PPP1R1C: variants seen among roughly 807,000 people sequenced by gnomAD.
The protein encoded by PPP1R1C is protein phosphatase 1 regulatory inhibitor subunit 1C, also known as protein phosphatase 1 regulatory subunit 1C.
A neutral mutation model predicts 17.4 loss-of-function variants in PPP1R1C; 15 were observed. The observed-to-expected ratio is 0.86, with a 90% CI of 0.58 to 1.33. The LOEUF is 1.33. Among genes scored for constraint, PPP1R1C ranks in the 40% most tolerant of loss-of-function variants. PPP1R1C has a pLI of 0.00. For synonymous variants in PPP1R1C, 35 were observed against 43.1 expected (o/e 0.81, Z 0.73); for missense variants, 143 against 130.0 (o/e 1.10, Z -0.48).
intron 2 of PPP1R1C, among the ~76,000 whole-genome samples, chr2:182,028,577 T>C (rs1212899965): frequency 4.6e-5 from 7 of 152,140 alleles, no homozygotes; most frequent in African/African-American, 1.4e-4. Flanking sequence ...GTCTGAGAGA[T>C]AGTTTGTTAT....
chr2:181,982,098 A>G (rs1451187264), upstream of PPP1R1C, among the ~76,000 whole-genome samples: 1 of 152,218 alleles, frequency 6.6e-6, no homozygotes, highest in Admixed American at 6.5e-5. Context: ...AATACATTAA[A>G]AAGTTTAAAA....
At chr2:182,111,291 T>C (rs1352931443) in intron 4 of PPP1R1C, among the ~76,000 whole-genome samples, 1 of 152,112 alleles carries the variant, frequency 6.6e-6, no homozygotes, top group Non-Finnish European at 1.5e-5. Flanking sequence ...CCATGGATGA[T>C]GAAGAGAAAA....
chr2:182,030,838 C>G (rs12617397), intron 2 of PPP1R1C: 9,453 of 158,312 alleles, frequency 0.06, 376 homozygotes, highest in Non-Finnish European at 0.077. Flanking sequence ...AGTTTGATCT[C>G]AGACTGCTGT....
At chr2:182,098,795 A>G (rs1000448903) in intron 4 of PPP1R1C, among the ~76,000 whole-genome samples, 2 of 152,174 alleles carry the variant, frequency 1.3e-5, no homozygotes, top group East Asian at 1.9e-4. Context: ...CCTTATTCCA[A>G]AGTAAGCCCT....
In PPP1R1C at chr2:182,026,693, G is replaced by A. The variant is rs910877141; in HGVS notation, c.143-34749G>A. On this transcript the variant is annotated intron_variant, in intron 2 of 4. Transcript: ENST00000682840. The stretch of plus-strand genomic sequence containing the variant: ...GCTTAGGATTGACTTGGCAATGCGG[G>A]CTCTTTTTTGGCTCCATATGAACTT... 1.9e-4 allele frequency among the ~76,000 whole-genome samples: 29 copies of A among 152,116 alleles called. 1 individual carries two copies. The highest frequency in any genetic ancestry group is 1.6e-3 in the Admixed American group (25 of 15,266).
At chr2:182,072,583 C>CT (rs1232396441) in intron 4 of PPP1R1C, among the ~76,000 whole-genome samples, 1 of 152,012 alleles carries the variant, frequency 6.6e-6, no homozygotes, top group African/African-American at 2.4e-5. Flanking sequence ...TGACCTGAGC[C>CT]TTTTTTTAGG....
chr2:182,036,602 A>G (rs1222349449), intron 2 of PPP1R1C, among the ~76,000 whole-genome samples: 1 of 152,180 alleles, frequency 6.6e-6, no homozygotes, highest in East Asian at 1.9e-4. Flanking sequence ...TCTGCATTCT[A>G]CTATCAACAT....
chr2:181,958,173 G>A (rs919700066), intron 1 of PPP1R1C, among the ~76,000 whole-genome samples: 6 of 152,180 alleles, frequency 3.9e-5, no homozygotes, highest in Non-Finnish European at 7.3e-5. Flanking sequence ...AGCAGAACAG[G>A]GAAGTGGAAG....
rs569087069 is a variant in PPP1R1C, at chr2:181,990,983, T to G, written c.142+3084T>G. ...TAAAATTCAAAACCCTGCAAATCTT[T>G]CTTTATTGTCAATTAATAAAGCAAA... On this transcript the variant is annotated intron_variant, in intron 2 of 4. Transcript: ENST00000682840. 1.9e-3 allele frequency among the ~76,000 whole-genome samples: 289 copies of G among 152,342 alleles called. 2 individuals are homozygous for G. The highest frequency in any genetic ancestry group is 6.6e-3 in the African/African-American group (275 of 41,574).
chr2:182,008,184 A>T (rs1009149702), intron 2 of PPP1R1C, among the ~76,000 whole-genome samples: 10 of 152,298 alleles, frequency 6.6e-5, no homozygotes, highest in African/African-American at 2.4e-4. Flanking sequence ...ATTATGCTTG[A>T]TGTAATATGG....
chr2:182,102,333 C>T (rs1484853841), intron 4 of PPP1R1C, among the ~76,000 whole-genome samples: 6 of 152,106 alleles, frequency 3.9e-5, no homozygotes, highest in African/African-American at 1.2e-4. Context: ...GTGAGATGCC[C>T]TGTTCCCTCA....
intron 2 of PPP1R1C, among the ~76,000 whole-genome samples, chr2:182,015,945 C>T (rs2125159266): frequency 6.6e-6 from 1 of 152,242 alleles, no homozygotes; most frequent in African/African-American, 2.4e-5. Context: ...CATTTGCACC[C>T]CATGTGTGCG....
intron 4 of PPP1R1C, among the ~76,000 whole-genome samples, chr2:182,113,332 T>C (rs1574462293): frequency 6.6e-6 from 1 of 152,246 alleles, no homozygotes; most frequent in Admixed American, 6.5e-5. Context: ...GAATTCAAAG[T>C]CAGGCTCTAT....
chr2:182,084,777 T>C (rs569740413), intron 4 of PPP1R1C, among the ~76,000 whole-genome samples: 1 of 152,190 alleles, frequency 6.6e-6, no homozygotes, highest in Non-Finnish European at 1.5e-5. Flanking sequence ...GATTGTTTTC[T>C]TAATTCTGTG....
At chr2:182,096,018 C>G (rs1688923556) in intron 4 of PPP1R1C, among the ~76,000 whole-genome samples, 1 of 151,584 alleles carries the variant, frequency 6.6e-6, no homozygotes, top group South Asian at 2.1e-4. Flanking sequence ...AAGGTAGTAC[C>G]TGATACCCCA....
intron 5 of PPP1R1C, among the ~76,000 whole-genome samples, chr2:182,126,771 G>A (rs1382570277): frequency 6.6e-6 from 1 of 151,982 alleles, no homozygotes; most frequent in African/African-American, 2.4e-5. Context: ...TTCCCCTACT[G>A]AATATAATAA....
upstream of PPP1R1C, chr2:181,985,773 C>G: frequency 3.1e-6 from 1 of 318,872 alleles, no homozygotes; most frequent in Non-Finnish European, 5.9e-6. The surrounding 1 kb of genome is among the most constrained non-coding windows in gnomAD (Gnocchi z 4.1). Context: ...GTGGGTCCTT[C>G]AAGGCTAGCA....
rs373929502 is a variant in PPP1R1C at position 182,008,746 on chromosome 2, G to T, written c.142+20847G>T. On this transcript the variant is annotated intron_variant, in intron 2 of 4. Coordinates refer to ENST00000682840, the MANE Select transcript of PPP1R1C (RefSeq NM_001080545.3). ...TATTGTTGACTGTTATCACCCTGTT[G>T]TGCTATCAAATACTAGCTCTTATTC... Among the ~76,000 whole-genome samples the T allele has an allele frequency of 2.6e-5, 4 of 152,222 alleles. No homozygotes were observed. In the East Asian group the frequency reaches 7.7e-4, roughly 29 times the overall value.
intron 2 of PPP1R1C, among the ~76,000 whole-genome samples, chr2:182,059,503 G>A (rs1328502994): frequency 6.6e-6 from 1 of 152,000 alleles, no homozygotes; most frequent in African/African-American, 2.4e-5. Flanking sequence ...GGAAAAAAAA[G>A]GAGACATTAT....
Sources: gnomAD v4.1 joint callset for allele counts (sites outside exome capture counted in the v4.1 genomes callset) on GRCh38, gnomAD v4.1.1 for gene constraint, Gnocchi (gnomAD v3.1) non-coding constraint, MANE v1.5 for transcripts, NCBI Gene and HGNC (gene_info 2026-07-23, HGNC 2026-07-21) for gene names.